The following MYO16 variants were observed in gnomAD, a reference collection of about 807,000 sequenced individuals.
The protein encoded by MYO16 is myosin XVI, also known as unconventional myosin-XVI.
MYO16 carries 94 observed loss-of-function variants against 205.3 expected under a neutral mutation model. The observed-to-expected ratio is 0.46, with a 90% CI of 0.39 to 0.54. The LOEUF (loss-of-function observed/expected upper bound fraction) is 0.54, where lower values mean the gene tolerates loss of function less well. Ranked by LOEUF, MYO16 falls within the 20% of genes least tolerant of loss-of-function variation. The pLI is 0.00. For missense variants in MYO16, 2,315 were observed against 2,387.5 expected, an observed-to-expected ratio of 0.97 and a Z score of 0.63; for synonymous variants, 988 against 954.0, an observed-to-expected ratio of 1.04 and a Z score of -0.66.
intron 16 of MYO16, among the ~76,000 whole-genome samples, chr13:108,924,058 C>T (rs1194826662): frequency 6.6e-6 from 1 of 152,186 alleles, no homozygotes; most frequent in African/African-American, 2.4e-5. Context: ...TTTCTGCCAT[C>T]TTCCACCATC....
chr13:108,498,923 TCTC>T, the MYO16 span, among the ~76,000 whole-genome samples: 6 of 152,220 alleles, frequency 3.9e-5, no homozygotes, highest in African/African-American at 1.4e-4. Context: ...TTCTGGTCCT[TCTC>T]CTTCTCACAG....
intron 1 of MYO16, among the ~76,000 whole-genome samples, chr13:108,631,742 GA>G (rs912732077): frequency 6.6e-6 from 1 of 151,952 alleles, no homozygotes; most frequent in South Asian, 2.1e-4. Context: ...GGTGTTTTAT[GA>G]AAAAAATGCA....
chr13:108,871,355 T>TA (rs200659700), intron 12 of MYO16, among the ~76,000 whole-genome samples: 1 of 151,424 alleles, frequency 6.6e-6, no homozygotes, highest in African/African-American at 2.4e-5. Flanking sequence ...TGTGTGTGTG[T>TA]GTGTGTGTCT....
intron 1 of MYO16, among the ~76,000 whole-genome samples, chr13:108,650,220 C>T (rs1056065482): frequency 1.3e-5 from 2 of 151,888 alleles, no homozygotes; most frequent in Non-Finnish European, 2.9e-5. Flanking sequence ...TTAAGTTACA[C>T]ACATACATAC....
rs1047505539 is a variant in MYO16, at chr13:109,033,268, A to T, written c.2796+13357A>T. ...GTGCACCACTGACAAGCATGCTGAG[A>T]CCCATTAGGCTCTGTGCACAATACT... On this transcript the variant is annotated intron_variant, in intron 23 of 34. Coordinates refer to ENST00000457511, the MANE Select transcript of MYO16 (RefSeq NM_001198950.3). 1.5e-4 allele frequency among the ~76,000 whole-genome samples: 23 copies of T among 152,178 alleles called. 1 individual carries two copies. The highest frequency in any genetic ancestry group is 5.1e-4 in the African/African-American group (21 of 41,530).
chr13:109,178,871 C>G (rs982536641), intron 33 of MYO16, among the ~76,000 whole-genome samples: 41 of 152,182 alleles, frequency 2.7e-4, no homozygotes, highest in African/African-American at 9.4e-4. Context: ...CTGCTTTGAT[C>G]ATAAAGGATA....
At chr13:108,855,655 C>A (rs1316909305) in intron 11 of MYO16, 102 bp downstream of exon 11, 8 of 748,432 alleles carry the variant, frequency 1.1e-5, no homozygotes, top group Non-Finnish European at 4.2e-6. Context: ...CTCATTGGAG[C>A]TTCTGGTAGT....
At chr13:108,584,995 C>G in the MYO16 span, among the ~76,000 whole-genome samples, 1 of 152,118 alleles carries the variant, frequency 6.6e-6, no homozygotes. Context: ...TAGTTATGAG[C>G]AAGATCTTAT....
intron 6 of MYO16, among the ~76,000 whole-genome samples, chr13:108,794,513 A>G (rs538075544): frequency 7.5e-4 from 115 of 152,368 alleles, no homozygotes; most frequent in African/African-American, 2.7e-3. Flanking sequence ...TTTAGTGTTC[A>G]GTAAAACAAA....
chr13:109,024,183 A>T (rs945061572), intron 23 of MYO16, among the ~76,000 whole-genome samples: 1 of 151,310 alleles, frequency 6.6e-6, no homozygotes, highest in Non-Finnish European at 1.5e-5. Flanking sequence ...CTTTAGGAAA[A>T]CAGCAATCTT....
intron 1 of MYO16, among the ~76,000 whole-genome samples, chr13:108,607,187 G>T (rs1464653013): frequency 6.6e-6 from 1 of 152,106 alleles, no homozygotes; most frequent in East Asian, 1.9e-4. Flanking sequence ...TGGACTTTGG[G>T]TTAATGCTGG....
At chr13:108,848,629 A>G (rs534817176) in intron 10 of MYO16, among the ~76,000 whole-genome samples, 154 of 152,186 alleles carry the variant, frequency 1.0e-3, no homozygotes, top group Non-Finnish European at 1.8e-3. Flanking sequence ...GCAAAACCCC[A>G]TCTCTACAAA....
intron 23 of MYO16, among the ~76,000 whole-genome samples, chr13:109,033,333 TCTC>T (rs1886604263): frequency 6.6e-6 from 1 of 152,156 alleles, no homozygotes; most frequent in Non-Finnish European, 1.5e-5. Context: ...CACATACAGT[TCTC>T]CTACAGTGGA....
chr13:109,076,494 G>C (rs1048068012), intron 27 of MYO16, among the ~76,000 whole-genome samples: 9 of 152,136 alleles, frequency 5.9e-5, no homozygotes, highest in African/African-American at 2.2e-4. Flanking sequence ...AACAGAAACA[G>C]CTCCAGGAGA....
rs1398839051 is a variant in MYO16, at chr13:109,201,758, C to A, written c.5416-4851C>A. 2.6e-5 allele frequency among the ~76,000 whole-genome samples: 4 copies of A among 152,036 alleles called. No individual in the cohort carries two copies. The East Asian group carries it at 5.8e-4, about 22-fold the overall frequency. ...TCTTTTATCCATCATGCCCTCCCAC[C>A]CTTTCCTTCCAGTCCCAAAGTCCAT... On this transcript the variant is annotated intron_variant, in intron 34 of 34. Transcript: ENST00000457511.
At chr13:108,617,351 T>C (rs1401725588) in intron 1 of MYO16, among the ~76,000 whole-genome samples, 1 of 152,164 alleles carries the variant, frequency 6.6e-6, no homozygotes, top group Non-Finnish European at 1.5e-5. Context: ...TGCATCACTC[T>C]TTCATACGCC....
intron 32 of MYO16, 35 bp from the exon 33 acceptor site, chr13:109,164,866 C>A: frequency 7.4e-7 from 1 of 1,347,098 alleles, no homozygotes; most frequent in Non-Finnish European, 1.0e-6. Context: ...TACATGTTAT[C>A]AGAAAATAAT....
the MYO16 span, among the ~76,000 whole-genome samples, chr13:108,554,857 A>G: frequency 1.5e-5 from 2 of 137,146 alleles, no homozygotes; most frequent in African/African-American, 6.9e-5. Flanking sequence ...CTAAAAAAAA[A>G]AAAAAAAAAA....
At chr13:108,687,072 A>G (rs1882707732) in intron 2 of MYO16, among the ~76,000 whole-genome samples, 1 of 152,268 alleles carries the variant, frequency 6.6e-6, no homozygotes, top group Non-Finnish European at 1.5e-5. Context: ...AAAGGGAGCT[A>G]TATAACTTTG....
Sources: allele counts gnomAD v4.1 joint callset (sites outside exome capture counted in the v4.1 genomes callset), GRCh38; gene constraint gnomAD v4.1.1; transcripts MANE v1.5; gene names NCBI Gene and HGNC (gene_info 2026-07-23, HGNC 2026-07-21).